RNFT2: variants seen among roughly 807,000 people sequenced by gnomAD.
RNFT2 encodes the protein ring finger protein, transmembrane 2.
RNFT2 carries 36 observed loss-of-function variants against 53.0 expected under a neutral mutation model. The observed-to-expected ratio is 0.68, with a 90% CI of 0.52 to 0.90. RNFT2 has a LOEUF of 0.90. Among genes scored for constraint, RNFT2 ranks in the 40% least tolerant of loss-of-function variants. The probability of loss-of-function intolerance (pLI) is 0.00; values close to 1 mark genes in which losing one functional copy is unlikely to be tolerated. For missense variants in RNFT2, 514 were observed against 585.6 expected, an observed-to-expected ratio of 0.88 and a Z score of 1.26; for synonymous variants, 260 against 253.2, an observed-to-expected ratio of 1.03 and a Z score of -0.26.
At chr12:116,773,019 G>A (rs1359339401) in intron 6 of RNFT2, among the ~76,000 whole-genome samples, 1 of 152,076 alleles carries the variant, frequency 6.6e-6, no homozygotes, top group Non-Finnish European at 1.5e-5. Context: ...AGTAGAGACA[G>A]GGTTTCACCA....
intron 7 of RNFT2, among the ~76,000 whole-genome samples, chr12:116,779,803 C>A (rs1414312158): frequency 1.3e-5 from 2 of 152,006 alleles, no homozygotes; most frequent in African/African-American, 2.4e-5. Context: ...TGCCACAGAC[C>A]CTGCAGTGGG....
chr12:116,841,678 G>A (rs1257014668), intron 10 of RNFT2, among the ~76,000 whole-genome samples: 1 of 147,766 alleles, frequency 6.8e-6, no homozygotes, highest in Non-Finnish European at 1.5e-5. Context: ...AACCTGGGAG[G>A]CAGAGGTTCC....
intron 7 of RNFT2, among the ~76,000 whole-genome samples, chr12:116,821,541 C>T (rs1288852152): frequency 6.6e-6 from 1 of 152,364 alleles, no homozygotes; most frequent in East Asian, 1.9e-4. Context: ...GTCCTGGCCG[C>T]CCACTTGGGA....
chr12:116,800,736 C>T (rs1320800441), intron 7 of RNFT2, among the ~76,000 whole-genome samples: 1 of 151,702 alleles, frequency 6.6e-6, no homozygotes, highest in African/African-American at 2.4e-5. Context: ...ATTGCTTGAG[C>T]CTGGGAGGTG....
At chr12:116,826,339 A>G (rs1390186338) in intron 7 of RNFT2, among the ~76,000 whole-genome samples, 1 of 151,876 alleles carries the variant, frequency 6.6e-6, no homozygotes, top group African/African-American at 2.4e-5. Flanking sequence ...AGAACCGTCC[A>G]TGCCCAAGCA....
chr12:116,770,857 T>G (rs1485193993), intron 6 of RNFT2, among the ~76,000 whole-genome samples: 3 of 152,166 alleles, frequency 2.0e-5, no homozygotes, highest in African/African-American at 7.2e-5. Flanking sequence ...ACCAGCTTTT[T>G]CTTTTTTCAT....
chr12:116,840,241 T>C (rs1018383343), intron 10 of RNFT2, among the ~76,000 whole-genome samples: 1 of 152,208 alleles, frequency 6.6e-6, no homozygotes, highest in Non-Finnish European at 1.5e-5. Flanking sequence ...AAGTTCTTCA[T>C]ACTTGACCTT....
In RNFT2 at chr12:116,852,727, C is replaced by T. The variant is rs780428787; in HGVS notation, c.*3279C>T. On this transcript the variant is annotated 3_prime_UTR_variant, in exon 11 of 11. Transcript: ENST00000257575. ...CAGGTGTGTAAGGAAATAGAACAGT[C>T]TGCTGGGAGTCAGACCTGGAATTCT... 1.9e-6 allele frequency: 3 copies of T among 1,611,072 alleles called. No individual in the cohort carries two copies. The highest frequency in any genetic ancestry group is 1.3e-5 in the African/African-American group (1 of 74,882).
At chr12:116,807,788 A>G in intron 7 of RNFT2, among the ~76,000 whole-genome samples, 1 of 151,632 alleles carries the variant, frequency 6.6e-6, no homozygotes, top group East Asian at 1.9e-4. Flanking sequence ...TGGGGCCTGC[A>G]CCTCACTTTT....
At chr12:116,835,430 C>T (rs1876910434) in intron 8 of RNFT2, among the ~76,000 whole-genome samples, 1 of 152,170 alleles carries the variant, frequency 6.6e-6, no homozygotes, top group Admixed American at 6.5e-5. Flanking sequence ...TTTTTTTACC[C>T]TCTAAAAATC....
intron 7 of RNFT2, among the ~76,000 whole-genome samples, chr12:116,812,389 C>T (rs1875424623): frequency 6.6e-6 from 1 of 152,152 alleles, no homozygotes; most frequent in Non-Finnish European, 1.5e-5. Flanking sequence ...AGGGACAGCT[C>T]TGTTCCCTCA....
chr12:116,847,813 C>T (rs917065804), intron 10 of RNFT2, among the ~76,000 whole-genome samples: 1 of 152,142 alleles, frequency 6.6e-6, no homozygotes, highest in African/African-American at 2.4e-5. Flanking sequence ...AGGTGTGAGC[C>T]ACCGCGCCTG....
At chr12:116,827,441 C>T (rs780089083) in intron 7 of RNFT2, among the ~76,000 whole-genome samples, 26 of 152,038 alleles carry the variant, frequency 1.7e-4, no homozygotes, top group Admixed American at 5.9e-4. Flanking sequence ...CTTAAGCAAC[C>T]GAAAGACAGG....
chr12:116,740,597 T>C (rs1198210494), intron 2 of RNFT2, 76 bp downstream of exon 2: 10 of 1,340,874 alleles, frequency 7.5e-6, no homozygotes, highest in African/African-American at 1.5e-5. Context: ...AGTTTTGGTT[T>C]GACCACTCCA....
chr12:116,811,689 G>A (rs929095039), intron 7 of RNFT2, among the ~76,000 whole-genome samples: 2 of 152,190 alleles, frequency 1.3e-5, no homozygotes, highest in Non-Finnish European at 2.9e-5. Context: ...GTGCGCGTGC[G>A]TTTGTGCATG....
At chr12:116,780,683 A>G (rs1328967328) in intron 7 of RNFT2, among the ~76,000 whole-genome samples, 8 of 151,916 alleles carry the variant, frequency 5.3e-5, no homozygotes, top group Non-Finnish European at 1.0e-4. Context: ...AAAAAAAAAA[A>G]AGAGATGTGG....
chr12:116,792,932 C>T (rs983805007), intron 7 of RNFT2, among the ~76,000 whole-genome samples: 1 of 152,104 alleles, frequency 6.6e-6, no homozygotes, highest in South Asian at 2.1e-4. Context: ...ATGGCCCTGA[C>T]GTGTGAGGTT....
intron 10 of RNFT2, among the ~76,000 whole-genome samples, chr12:116,847,355 G>T (rs1877670339): frequency 6.6e-6 from 1 of 152,118 alleles, no homozygotes; most frequent in Admixed American, 6.5e-5. Flanking sequence ...GCATTTGGTT[G>T]TCATAGCTAA....
chr12:116,807,109 A>G (rs1196740758), intron 7 of RNFT2, among the ~76,000 whole-genome samples: 1 of 152,142 alleles, frequency 6.6e-6, no homozygotes, highest in Non-Finnish European at 1.5e-5. Context: ...CCCTAAGCAA[A>G]GATTGAGACG....
Sources: gnomAD v4.1 joint callset for allele counts (sites outside exome capture counted in the v4.1 genomes callset) on GRCh38, gnomAD v4.1.1 for gene constraint, MANE v1.5 for transcripts, NCBI Gene and HGNC (gene_info 2026-07-23, HGNC 2026-07-21) for gene names.